Variants in DLG5 observed in about 807,000 individuals in gnomAD.
DLG5 encodes the protein disks large homolog 5.
DLG5 carries 48 observed loss-of-function variants against 189.8 expected under a neutral mutation model. The observed-to-expected ratio is 0.25, with a 90% CI of 0.20 to 0.32. The LOEUF (loss-of-function observed/expected upper bound fraction) is 0.32, where lower values mean the gene tolerates loss of function less well. Among genes scored for constraint, DLG5 ranks in the 10% least tolerant of loss-of-function variants. The pLI is 1.00. For missense variants in DLG5, 2,160 were observed against 2,544.7 expected (o/e 0.85, Z 3.25); for synonymous variants, 1,016 against 1,054.1 (o/e 0.96, Z 0.70).
chr10:77,838,792 A>G (rs1476999298), intron 7 of DLG5, among the ~76,000 whole-genome samples: 1 of 152,214 alleles, frequency 6.6e-6, no homozygotes, highest in Non-Finnish European at 1.5e-5. Context: ...GGCGGGGCCA[A>G]TCCCCAGGGT....
chr10:77,805,882 C>A, intron 26 of DLG5, 21 bp from the exon 27 acceptor site: 1 of 1,594,026 alleles, frequency 6.3e-7, no homozygotes, highest in Non-Finnish European at 8.6e-7. Flanking sequence ...GGGGACAATG[C>A]TGGGCAGGGC....
chr10:77,816,218 C>T (rs1253575716), intron 20 of DLG5: 6 of 589,140 alleles, frequency 1.0e-5, no homozygotes, highest in Non-Finnish European at 1.9e-5. Flanking sequence ...TGGCAGGGTC[C>T]CTGTAAGGAT....
In DLG5 at chr10:77,796,955, C is replaced by T. The variant is rs1840956318; in HGVS notation, c.5165-361G>A. On this transcript the variant is annotated intron_variant, in intron 27 of 31. Transcript: ENST00000372391. The surrounding 1 kb of genome is among the most constrained non-coding windows in gnomAD (Gnocchi z 5.2). ...GGTTTGGCAGGTAAAGCTCCCACTC[C>T]CCAGGAAGGTGTGGTCAGTGTAACC... is the stretch of plus-strand genomic sequence containing the variant. Among the ~76,000 whole-genome samples the T allele has an allele frequency of 1.3e-5, 2 of 152,178 alleles. No homozygotes were observed. Among genetic ancestry groups the T allele is most frequent in the Non-Finnish European group, 2.9e-5 (2 of 68,026 alleles).
In DLG5 at chr10:77,829,540, G is replaced by T. The variant is rs369477859; in HGVS notation, c.2010-10C>A. On this transcript the variant is annotated splice_polypyrimidine_tract_variant and intron_variant, in intron 11 of 31. Coordinates refer to ENST00000372391, the MANE Select transcript of DLG5 (RefSeq NM_004747.4). ...CAGCCAGTCATTGACCCTGAGAAAG[G>T]GCACAGCCAGTTCAGCACCCACACA... is the stretch of plus-strand genomic sequence containing the variant. The T allele has an allele frequency of 6.3e-6, 10 of 1,592,188 alleles. No individual in the cohort carries two copies. The highest frequency in any genetic ancestry group is 1.7e-4 in the Middle Eastern group (1 of 5,958).
chr10:77,809,911 T>C lies in DLG5; in HGVS notation c.4464-181A>G, dbSNP rs537360475. ...TTCGGGACAGGATGCTAAGGTGCAC[T>C]GGAGATGAAGGCAAGACCCCAGGTC... On this transcript the variant is annotated intron_variant, in intron 23 of 31. Coordinates refer to ENST00000372391, the MANE Select transcript of DLG5 (RefSeq NM_004747.4). 1.9e-3 allele frequency among the ~76,000 whole-genome samples: 284 copies of C among 152,220 alleles called. 1 individual carries two copies. Among genetic ancestry groups the C allele is most frequent in the African/African-American group, 6.5e-3 (271 of 41,526 alleles).
intron 2 of DLG5, among the ~76,000 whole-genome samples, chr10:77,863,514 C>T (rs1844554426): frequency 6.6e-6 from 1 of 152,292 alleles, no homozygotes; most frequent in Middle Eastern, 3.4e-3. Flanking sequence ...TGGTTATTTA[C>T]AGTAAACTTT....
chr10:77,892,469 A>G (rs1266723050), intron 1 of DLG5, among the ~76,000 whole-genome samples: 1 of 152,238 alleles, frequency 6.6e-6, no homozygotes, highest in African/African-American at 2.4e-5. Flanking sequence ...AAGACAGCAC[A>G]GTTATCAGGA....
intron 1 of DLG5, among the ~76,000 whole-genome samples, chr10:77,902,568 G>A (rs76366230): frequency 0.053 from 8,005 of 152,174 alleles, 689 homozygotes; most frequent in African/African-American, 0.18. Context: ...CATTAAAAAC[G>A]AGCCATTGAG....
At chr10:77,915,029 A>G (rs1846320419) in intron 1 of DLG5, among the ~76,000 whole-genome samples, 1 of 152,230 alleles carries the variant, frequency 6.6e-6, no homozygotes, top group South Asian at 2.1e-4. Flanking sequence ...AGCTGGTATC[A>G]GAATTTAAAA....
At chr10:77,872,357 G>T (rs1318759743) in intron 1 of DLG5, among the ~76,000 whole-genome samples, 1 of 152,200 alleles carries the variant, frequency 6.6e-6, no homozygotes, top group Non-Finnish European at 1.5e-5. Context: ...CTACCTCCCT[G>T]GCTGGGGGAG....
chr10:77,830,088 C>T, intron 11 of DLG5, 129 bp downstream of exon 11: 2 of 1,198,890 alleles, frequency 1.7e-6, no homozygotes, highest in Non-Finnish European at 2.4e-6. Flanking sequence ...GACTGCAGGC[C>T]TTGGACAGAC....
intron 15 of DLG5, chr10:77,820,221 C>T: frequency 1.7e-6 from 1 of 594,770 alleles, no homozygotes; most frequent in Non-Finnish European, 2.8e-6. Context: ...TAGTGGGTGC[C>T]TGTAATCCCA....
In DLG5 at chr10:77,817,075, A is replaced by G; in HGVS notation, c.3806T>C (p.Phe1269Ser). The G allele has an allele frequency of 1.9e-6, 3 of 1,614,174 alleles. No individual in the cohort carries two copies. The highest frequency in any genetic ancestry group is 2.5e-6 in the Non-Finnish European group (3 of 1,180,038). The change falls in exon 19 of 32, where the codon TTC becomes TCC. Residue 1269 changes from phenylalanine (F) to serine (S), a missense_variant. Physicochemically the swap from Phe to Ser is radical, Grantham distance 155 (BLOSUM62 -2). Transcript: ENST00000372391. ...TGGGATTTTAATGCGTTCCGCCTTG[A>G]ACTGCAAGTTACTCGAAGAACCTAT... ...ARLGSSSNLQ[F>S]KAERIKIPST...
chr10:77,910,335 G>T (rs930480957), intron 1 of DLG5, among the ~76,000 whole-genome samples: 1 of 152,194 alleles, frequency 6.6e-6, no homozygotes, highest in Non-Finnish European at 1.5e-5. Flanking sequence ...AACTCTACTG[G>T]CCGAGTGTGC....
rs559697768 is a variant in DLG5 at position 77,899,811 on chromosome 10, C to T, written c.304+26406G>A. Among the ~76,000 whole-genome samples, 4 of 152,302 alleles carry T rather than the reference C, an allele frequency of 2.6e-5. No homozygotes were observed. The East Asian group carries it at 5.8e-4, about 22-fold the overall frequency. The stretch of plus-strand genomic sequence containing the variant: ...CCTGCCGCCCACTGGAGATGGCTGA[C>T]GAGAAAACCAGAAAGAGACCATGAA... On this transcript the variant is annotated intron_variant, in intron 1 of 31. Coordinates refer to ENST00000372391, the MANE Select transcript of DLG5 (RefSeq NM_004747.4).
chr10:77,814,730 G>A (rs1442841695), intron 20 of DLG5, among the ~76,000 whole-genome samples: 1 of 150,986 alleles, frequency 6.6e-6, no homozygotes, highest in African/African-American at 2.4e-5. Flanking sequence ...GCCTGCCACC[G>A]TGCCTGGCTA....
In DLG5 at chr10:77,819,656, A is replaced by C. The variant is rs1327372634; in HGVS notation, c.3527-191T>G. 7 of 1,012,842 alleles carry C rather than the reference A, an allele frequency of 6.9e-6. No individual in the cohort carries two copies. In the East Asian group the frequency reaches 1.8e-4, roughly 27 times the overall value. 62.7% of individuals were successfully genotyped at this position (1,012,842 alleles called of 1,614,324 possible). On this transcript the variant is annotated intron_variant, in intron 16 of 31. Coordinates refer to ENST00000372391, the MANE Select transcript of DLG5 (RefSeq NM_004747.4). ...TGTCTCCATTTGTAAAAAGGGGGGAAGTCTCTTTCATGCTTCCTATTTCCC... is the reference window on the plus strand; with the variant it reads ...TGTCTCCATTTGTAAAAAGGGGGGACGTCTCTTTCATGCTTCCTATTTCCC...
chr10:77,792,026 C>T lies in DLG5; in HGVS notation c.*414G>A, dbSNP rs1235436157. On this transcript the variant is annotated 3_prime_UTR_variant, in exon 32 of 32. Transcript: ENST00000372391. ...GACGGGAACGAAACCAACACCAAAGCGACAGGGGGTTGACAGAGGGGACAG... is the reference window on the plus strand; with the variant it reads ...GACGGGAACGAAACCAACACCAAAGTGACAGGGGGTTGACAGAGGGGACAG... 1.7e-5 allele frequency: 3 copies of T among 179,212 alleles called. No homozygotes were observed. The highest frequency in any genetic ancestry group is 1.6e-4 in the East Asian group (1 of 6,304). The allele number at this position is 179,212 out of a possible 1,614,324, so 11.1% of individuals were successfully genotyped here. A position where few individuals can be genotyped will look rare whatever the true frequency, so the allele number is the denominator to read the frequency against.
chr10:77,888,475 T>G (rs1330098831), intron 1 of DLG5, among the ~76,000 whole-genome samples: 1 of 152,200 alleles, frequency 6.6e-6, no homozygotes, highest in African/African-American at 2.4e-5. Flanking sequence ...AATTCCCATA[T>G]GAATAGGATT....
Sources: gnomAD v4.1 joint callset for allele counts (sites outside exome capture counted in the v4.1 genomes callset) on GRCh38, gnomAD v4.1.1 for gene constraint, Gnocchi (gnomAD v3.1) non-coding constraint, MANE v1.5 for transcripts, NCBI Gene and HGNC (gene_info 2026-07-23, HGNC 2026-07-21) for gene names.